The following EDIL3 variants were observed in gnomAD, a reference collection of about 807,000 sequenced individuals.
EDIL3 encodes EGF like and discoidin domains 3.
EDIL3 carries 37 observed loss-of-function variants against 67.4 expected under a neutral mutation model. The ratio of observed to expected loss-of-function variants is 0.55; its 90% confidence interval spans 0.42 to 0.72. The LOEUF (loss-of-function observed/expected upper bound fraction) is 0.72, where lower values mean the gene tolerates loss of function less well. Ranked by LOEUF, EDIL3 falls within the 30% of genes least tolerant of loss-of-function variation. EDIL3 has a pLI of 0.00. For missense variants in EDIL3, 527 were observed against 586.3 expected (o/e 0.90, Z 1.04); for synonymous variants, 195 against 196.3 (o/e 0.99, Z 0.05).
intron 1 of EDIL3, among the ~76,000 whole-genome samples, chr5:84,317,752 C>G (rs1746544914): frequency 6.6e-6 from 1 of 152,120 alleles, no homozygotes; most frequent in African/African-American, 2.4e-5. Context: ...AAAACTGGCA[C>G]AAGACAAGGA....
At chr5:84,319,491 C>CAAA (rs1561255911) in intron 1 of EDIL3, among the ~76,000 whole-genome samples, 1 of 3,938 alleles carries the variant, frequency 2.5e-4, no homozygotes, top group Non-Finnish European at 7.0e-4. Flanking sequence ...AAACAAAAAA[C>CAAA]AACAAAAAAA....
intron 1 of EDIL3, among the ~76,000 whole-genome samples, chr5:84,354,881 T>A (rs138579058): frequency 2.0e-5 from 3 of 152,190 alleles, no homozygotes; most frequent in Admixed American, 6.5e-5. Context: ...GTTTGCTTCA[T>A]ATTTTTTAAG....
At chr5:84,366,034 T>C (rs1747726864) in intron 1 of EDIL3, among the ~76,000 whole-genome samples, 1 of 152,132 alleles carries the variant, frequency 6.6e-6, no homozygotes, top group South Asian at 2.1e-4. Context: ...TAGAAAAATC[T>C]TTCTCTTAAC....
chr5:84,163,740 GCAAAA>G (rs1345144292), intron 4 of EDIL3, among the ~76,000 whole-genome samples: 5 of 151,970 alleles, frequency 3.3e-5, no homozygotes, highest in Admixed American at 6.6e-5. Flanking sequence ...GAAAGTTTTA[GCAAAA>G]CAAAACAAAA....
intron 6 of EDIL3, among the ~76,000 whole-genome samples, chr5:84,073,365 G>A (rs1484153934): frequency 2.6e-5 from 4 of 152,098 alleles, no homozygotes; most frequent in Admixed American, 6.5e-5. Flanking sequence ...GGAAGGAGAA[G>A]GAAATAAAGT....
intron 3 of EDIL3, among the ~76,000 whole-genome samples, chr5:84,219,815 C>A (rs773800240): frequency 6.6e-5 from 10 of 152,096 alleles, no homozygotes; most frequent in African/African-American, 4.8e-5. Flanking sequence ...TTTGCAATAA[C>A]ATGGATGGAG....
intron 4 of EDIL3, among the ~76,000 whole-genome samples, chr5:84,149,954 G>C (rs956832459): frequency 6.6e-6 from 1 of 152,092 alleles, no homozygotes; most frequent in African/African-American, 2.4e-5. Context: ...GTGATCAGTG[G>C]AACACATATA....
Position 84,357,771 on chromosome 5 carries a change from C to T in EDIL3, c.67+26537G>A, listed in dbSNP as rs572338908. 4.1e-4 allele frequency among the ~76,000 whole-genome samples: 62 copies of T among 151,898 alleles called. 1 individual carries two copies. Among genetic ancestry groups the T allele is most frequent in the Middle Eastern group, 3.4e-3 (1 of 294 alleles). On this transcript the variant is annotated intron_variant, in intron 1 of 10. Coordinates refer to ENST00000296591, the MANE Select transcript of EDIL3 (RefSeq NM_005711.5). Reference sequence around the variant, plus strand: ...GGCTTGGTAGCATGTGCCTGTAATTCCAGCTACTTGGGAAGCTGAGGCATG... The same window carrying T: ...GGCTTGGTAGCATGTGCCTGTAATTTCAGCTACTTGGGAAGCTGAGGCATG...
chr5:84,075,447 C>T (rs1405668639), intron 6 of EDIL3, among the ~76,000 whole-genome samples: 1 of 151,936 alleles, frequency 6.6e-6, no homozygotes, highest in Admixed American at 6.6e-5. Flanking sequence ...TTGCAACATC[C>T]AAATTTGACA....
intron 1 of EDIL3, among the ~76,000 whole-genome samples, chr5:84,356,500 C>T (rs1201296798): frequency 2.0e-5 from 3 of 152,186 alleles, no homozygotes; most frequent in Admixed American, 6.5e-5. Flanking sequence ...TTCTGCATAA[C>T]GATCACTCTG....
At chr5:83,990,780 T>C (rs1330398974) in intron 9 of EDIL3, among the ~76,000 whole-genome samples, 1 of 151,740 alleles carries the variant, frequency 6.6e-6, no homozygotes, top group Non-Finnish European at 1.5e-5. Flanking sequence ...CTCAGGAGGC[T>C]GAAACAGGAG....
chr5:84,052,786 C>T (rs1336864928), intron 9 of EDIL3, among the ~76,000 whole-genome samples: 2 of 152,178 alleles, frequency 1.3e-5, no homozygotes, highest in Non-Finnish European at 2.9e-5. Context: ...GCACCCAATA[C>T]AGGAGCACCC....
At chr5:84,104,813 T>C (rs953201269) in intron 6 of EDIL3, among the ~76,000 whole-genome samples, 2 of 152,044 alleles carry the variant, frequency 1.3e-5, no homozygotes, top group African/African-American at 2.4e-5. Context: ...TGATGCATAG[T>C]GTTAAGTAGG....
chr5:84,235,147 A>G (rs1271819809), intron 2 of EDIL3, among the ~76,000 whole-genome samples: 1 of 152,124 alleles, frequency 6.6e-6, no homozygotes, highest in Non-Finnish European at 1.5e-5. Context: ...TTATTTGTTT[A>G]TCTGTTGTCC....
chr5:84,350,061 T>C (rs993740766), intron 1 of EDIL3, among the ~76,000 whole-genome samples: 1 of 152,056 alleles, frequency 6.6e-6, no homozygotes, highest in African/African-American at 2.4e-5. Context: ...ATATGAAAGA[T>C]CTTGTTGTCT....
At chr5:84,238,573 T>A (rs554387852) in intron 2 of EDIL3, among the ~76,000 whole-genome samples, 93 of 151,916 alleles carry the variant, frequency 6.1e-4, no homozygotes, top group African/African-American at 2.2e-3. Context: ...GTAGAGCTAA[T>A]CTAATGTGCT....
At chr5:83,986,867 G>T (rs1041853882) in intron 9 of EDIL3, among the ~76,000 whole-genome samples, 1 of 152,064 alleles carries the variant, frequency 6.6e-6, no homozygotes, top group Admixed American at 6.6e-5. Flanking sequence ...TGGAAAAGGA[G>T]AATTTCCATG....
chr5:83,951,967 G>C (rs1334162072), intron 10 of EDIL3, among the ~76,000 whole-genome samples: 1 of 151,716 alleles, frequency 6.6e-6, no homozygotes, highest in African/African-American at 2.4e-5. Flanking sequence ...GTGACAAGTT[G>C]AGCTAGGAAT....
chr5:84,306,995 A>G (rs763702860), intron 1 of EDIL3, among the ~76,000 whole-genome samples: 17 of 152,250 alleles, frequency 1.1e-4, no homozygotes, highest in Admixed American at 7.9e-4. Flanking sequence ...TTATTCCAGT[A>G]TAATCAACTA....
Sources: allele counts gnomAD v4.1 joint callset (sites outside exome capture counted in the v4.1 genomes callset), GRCh38; gene constraint gnomAD v4.1.1; transcripts MANE v1.5; gene names NCBI Gene and HGNC (gene_info 2026-07-23, HGNC 2026-07-21).